The following VPS13D variants were observed in gnomAD, a reference collection of about 807,000 sequenced individuals.
VPS13D encodes the protein vacuolar protein sorting 13 homolog D, also known as intermembrane lipid transfer protein VPS13D.
VPS13D carries 187 observed loss-of-function variants against 461.9 expected under a neutral mutation model. The observed-to-expected ratio is 0.40, with a 90% CI of 0.36 to 0.46. VPS13D has a LOEUF of 0.46. VPS13D is among the 20% of genes least tolerant of loss of function. The probability of loss-of-function intolerance (pLI) is 0.60; values close to 1 mark genes in which losing one functional copy is unlikely to be tolerated. For missense variants in VPS13D, 4,711 were observed against 5,364.9 expected, an observed-to-expected ratio of 0.88 and a Z score of 3.81; for synonymous variants, 1,951 against 1,986.3, an observed-to-expected ratio of 0.98 and a Z score of 0.47.
rs564685762 is a variant in VPS13D at position 12,490,400 on chromosome 1, T to A, written c.12663-7100T>A. On this transcript the variant is annotated intron_variant, in intron 67 of 69. Transcript: ENST00000620676. ...TTCTCTTGAAACCTTGGGGAAGAATTTCTCATGTAAACAGAGGCAAACTTT... is the reference window on the plus strand; with the variant it reads ...TTCTCTTGAAACCTTGGGGAAGAATATCTCATGTAAACAGAGGCAAACTTT... Among the ~76,000 whole-genome samples, 61 of 152,350 alleles carry A rather than the reference T, an allele frequency of 4.0e-4. 1 individual carries two copies. The highest frequency in any genetic ancestry group is 1.5e-3 in the African/African-American group (61 of 41,588).
At chr1:12,348,738 T>C (rs945501564) in intron 44 of VPS13D, 85 bp from the exon 45 acceptor site, 1 of 1,510,802 alleles carries the variant, frequency 6.6e-7, no homozygotes, top group East Asian at 2.3e-5. Context: ...AAGACACTTT[T>C]AAGGTAGACA....
At chr1:12,315,269 C>T (rs1486476471) in intron 30 of VPS13D, among the ~76,000 whole-genome samples, 1 of 152,162 alleles carries the variant, frequency 6.6e-6, no homozygotes, top group Non-Finnish European at 1.5e-5. Context: ...AACAAAAAGT[C>T]ATCAGGATTA....
chr1:12,340,145 C>G (rs1017031366), intron 40 of VPS13D, among the ~76,000 whole-genome samples: 1 of 152,310 alleles, frequency 6.6e-6, no homozygotes, highest in Middle Eastern at 3.4e-3. Flanking sequence ...TTGTCAGCAG[C>G]CTTACAGCTA....
intron 61 of VPS13D, among the ~76,000 whole-genome samples, chr1:12,400,962 G>GCGCACGCACACA (rs1253464149): frequency 9.4e-6 from 1 of 106,218 alleles, no homozygotes; most frequent in African/African-American, 3.4e-5. Flanking sequence ...CTGCGCGCGC[G>GCGCACGCACACA]CACACACACA....
Position 12,299,147 on chromosome 1 carries a change from G to T in VPS13D, c.6034-55G>T. ...ACTTTTGGGAACCTGAGGTTATTTG[G>T]TGGTAAAATTAGGGAATTAATTATC... is the stretch of plus-strand genomic sequence containing the variant. On this transcript the variant is annotated intron_variant, in intron 24 of 69. Coordinates refer to ENST00000620676, the MANE Select transcript of VPS13D (RefSeq NM_015378.4). This position sits in a 1 kb window ranked among gnomAD's most constrained non-coding sequence, Gnocchi z 4.2. 2.0e-6 allele frequency: 3 copies of T among 1,488,642 alleles called. No homozygotes were observed. The highest frequency in any genetic ancestry group is 5.0e-5 in the Admixed American group (2 of 40,298). The allele number at this position is 1,488,642 out of a possible 1,614,324, so 92.2% of individuals were successfully genotyped here.
chr1:12,466,020 A>G (rs1645478108), intron 67 of VPS13D, among the ~76,000 whole-genome samples: 1 of 152,110 alleles, frequency 6.6e-6, no homozygotes, highest in South Asian at 2.1e-4. Flanking sequence ...CTGTACTCCC[A>G]GCTACTTGGG....
intron 65 of VPS13D, among the ~76,000 whole-genome samples, chr1:12,445,085 A>G (rs1645176391): frequency 6.6e-6 from 1 of 152,190 alleles, no homozygotes; most frequent in Non-Finnish European, 1.5e-5. Flanking sequence ...TTTTCTTGGG[A>G]TAGACAATAG....
At chr1:12,363,951 CAAAAAAAAAAAAAA>C (rs70987247) in intron 52 of VPS13D, among the ~76,000 whole-genome samples, 6 of 44,582 alleles carry the variant, frequency 1.3e-4, no homozygotes, top group African/African-American at 4.1e-4. Flanking sequence ...GACTCTATCT[CAAAAAAAAAAAAAA>C]AAAAAAAAAA....
Position 12,335,383 on chromosome 1 carries a change from A to G in VPS13D, c.8429-322A>G, listed in dbSNP as rs186840902. Among the ~76,000 whole-genome samples the G allele has an allele frequency of 7.9e-5, 12 of 152,276 alleles. No individual in the cohort carries two copies. The East Asian group carries it at 1.7e-3, about 22-fold the overall frequency. Reference sequence around the variant, plus strand: ...CGTCCGGCCTCCATATAAATTTTAGATTCAGCTTTTAAAATTCCACAAAAT... The same window carrying G: ...CGTCCGGCCTCCATATAAATTTTAGGTTCAGCTTTTAAAATTCCACAAAAT... On this transcript the variant is annotated intron_variant, in intron 38 of 69. Transcript: ENST00000620676.
chr1:12,308,379 C>G, intron 26 of VPS13D, 52 bp from the exon 27 acceptor site: 1 of 1,593,340 alleles, frequency 6.3e-7, no homozygotes, highest in South Asian at 1.1e-5. Context: ...TAGTGCAACC[C>G]CTTTTTGGGT....
chr1:12,255,742 T>C (rs1640899446), intron 7 of VPS13D, among the ~76,000 whole-genome samples: 1 of 151,418 alleles, frequency 6.6e-6, no homozygotes, highest in South Asian at 2.1e-4. Context: ...AATAAAAAAA[T>C]TAGCTGGGCA....
intron 1 of VPS13D, among the ~76,000 whole-genome samples, chr1:12,230,591 G>C (rs1335262406): frequency 1.3e-5 from 2 of 152,114 alleles, no homozygotes; most frequent in African/African-American, 2.4e-5. Context: ...GCCGAAGAGT[G>C]GGGTGTCAGT....
intron 2 of VPS13D, 100 bp from the exon 3 acceptor site, chr1:12,242,413 A>G (rs1228076065): frequency 9.8e-6 from 10 of 1,019,434 alleles, no homozygotes; most frequent in Non-Finnish European, 1.5e-5. Flanking sequence ...AGCCTATTCT[A>G]TATGTAAAAC....
At chr1:12,232,274 C>T (rs1640004347) in intron 1 of VPS13D, among the ~76,000 whole-genome samples, 1 of 152,202 alleles carries the variant, frequency 6.6e-6, no homozygotes, top group African/African-American at 2.4e-5. Flanking sequence ...ATATTGTTGA[C>T]AAACAAAAGC....
rs373148338 is a variant in VPS13D at position 12,333,295 on chromosome 1, A to G, written c.8357A>G (p.His2786Arg). 1 of 1,614,160 alleles carries G rather than the reference A, an allele frequency of 6.2e-7. No individual in the cohort carries two copies. The highest frequency in any genetic ancestry group is 8.5e-7 in the Non-Finnish European group (1 of 1,179,986). Residue 2786 changes from histidine to arginine, a missense_variant, in exon 38 of 70, where the codon CAT (histidine) becomes CGT (arginine). By Grantham distance (29) the His-to-Arg change is conservative. Transcript: ENST00000620676. ...SWQQQAASRL[H>R]PPRLKLEAKA... ...CAACAGCAGGCAGCTAGTCGTCTCC[A>G]TCCTCCTCGACTGAAGCTAGAAGCC...
rs574084427 is a variant in VPS13D at position 12,234,358 on chromosome 1, T to C, written c.92T>C (p.Leu31Pro). 5 of 1,613,204 alleles carry C rather than the reference T, an allele frequency of 3.1e-6. No individual in the cohort carries two copies. Among genetic ancestry groups the C allele is most frequent in the Non-Finnish European group, 4.2e-6 (5 of 1,179,508 alleles). The change falls in exon 2 of 70, where the codon CTC becomes CCC. Residue 31 changes from leucine to proline, a missense_variant. By Grantham distance (98) the Leu-to-Pro change is moderately conservative. Transcript: ENST00000620676. ...ACTGACCAGCTCTCAGTTGCACTTC[T>C]CAAAGGTGAGTATTTCTCTGGGTGA... Reference protein sequence around the residue: ...LNTDQLSVALLKGAVELENLP... With the variant: ...LNTDQLSVALPKGAVELENLP...
rs146124918 is a variant in VPS13D, at chr1:12,327,866, A to C, written c.8197+12A>C. ...ACTCACCTTTTCCCGTGAGTGTTGT[A>C]CTGGTTTTCAGATTCATCTTGAATA... On this transcript the variant is annotated intron_variant, in intron 36 of 69. Coordinates refer to ENST00000620676, the MANE Select transcript of VPS13D (RefSeq NM_015378.4). 7.6e-4 allele frequency: 1,232 copies of C among 1,610,988 alleles called. 6 individuals are homozygous for C. The African/African-American group carries it at 0.012, about 16-fold the overall frequency.
intron 45 of VPS13D, 70 bp downstream of exon 45, chr1:12,349,043 TC>T: frequency 1.2e-6 from 2 of 1,609,928 alleles, no homozygotes; most frequent in Non-Finnish European, 1.7e-6. Context: ...AGTCTCTTTT[TC>T]CCCAGTGGTA....
chr1:12,485,875 C>T (rs1429238924), intron 67 of VPS13D, among the ~76,000 whole-genome samples: 4 of 152,152 alleles, frequency 2.6e-5, no homozygotes, highest in Admixed American at 1.3e-4. Context: ...GGTTGACCGT[C>T]GCAGCACCAG....
Sources: allele counts gnomAD v4.1 joint callset (sites outside exome capture counted in the v4.1 genomes callset), GRCh38; gene constraint gnomAD v4.1.1; non-coding constraint Gnocchi (gnomAD v3.1); transcripts MANE v1.5; gene names NCBI Gene and HGNC (gene_info 2026-07-23, HGNC 2026-07-21).